The following ACSL1 variants were observed in gnomAD, a reference collection of about 807,000 sequenced individuals.
ACSL1 encodes acyl-CoA synthetase long chain family member 1, also known as long-chain-fatty-acid--CoA ligase 1.
Under a neutral mutation model 98.4 loss-of-function variants are expected in ACSL1, and 41 were observed. The observed-to-expected ratio is 0.42, with a 90% CI of 0.32 to 0.54. ACSL1 has a LOEUF of 0.54. Among genes scored for constraint, ACSL1 ranks in the 20% least tolerant of loss-of-function variants. The pLI is 0.13. For synonymous variants in ACSL1, 316 were observed against 322.7 expected, an observed-to-expected ratio of 0.98 and a Z score of 0.22; for missense variants, 734 against 883.1, an observed-to-expected ratio of 0.83 and a Z score of 2.14.
In ACSL1 at chr4:184,803,403, C is replaced by A. The variant is rs1770864777; in HGVS notation, c.112G>T (p.Ala38Ser). Residue 38 changes from alanine (A) to serine (S), a missense_variant, in exon 2 of 21, where the codon GCA becomes TCA. By Grantham distance (99) the Ala-to-Ser change is moderately conservative (BLOSUM62 1). Coordinates refer to ENST00000281455, the MANE Select transcript of ACSL1 (RefSeq NM_001995.5). The surrounding 1 kb of genome is among the most constrained non-coding windows in gnomAD (Gnocchi z 4.8). ...GTGGCGTACCAGAAGGTGGTGAGTG[C>A]TGCAAAAGCTCCGAAGCCCATAAGC... ...NTLMGFGAFA[A>S]LTTFWYATRP... The A allele has an allele frequency of 1.9e-6, 3 of 1,613,866 alleles. No homozygotes were observed. Among genetic ancestry groups the A allele is most frequent in the African/African-American group, 1.3e-5 (1 of 74,912 alleles).
At chr4:184,798,868 C>T (rs953554997) in intron 2 of ACSL1, 8 of 152,350 alleles carry the variant, frequency 5.3e-5, no homozygotes, top group African/African-American at 1.9e-4. Flanking sequence ...AGGTCTTGCA[C>T]ACAGGACTTG....
Position 184,776,649 on chromosome 4 carries a change from C to T in ACSL1, c.591G>A (p.Leu197=). The T allele has an allele frequency of 6.2e-7, 1 of 1,611,160 alleles. No individual in the cohort carries two copies. Among genetic ancestry groups the T allele is most frequent in the African/African-American group, 1.3e-5 (1 of 75,016 alleles). ...CCTTCTCTGGCTTGTCAACAAAAAC[C>T]AGAGAGAGTTCAGCTGTAAATGAAG... The part of the protein sequence containing the change: ...TYIVNKAELS[L]VFVDKPEKAK... The change falls in exon 7 of 21, where the codon CTG becomes CTA. Residue 197 remains leucine (L), a synonymous_variant. Transcript: ENST00000281455.
chr4:184,822,174 T>C (rs1326093299), intron 1 of ACSL1, among the ~76,000 whole-genome samples: 7 of 152,164 alleles, frequency 4.6e-5, no homozygotes, highest in Admixed American at 3.3e-4. Flanking sequence ...CTTTTTTTTT[T>C]CTAGAGATGG....
At chr4:184,811,681 C>T (rs1281465745) in intron 1 of ACSL1, among the ~76,000 whole-genome samples, 2 of 151,912 alleles carry the variant, frequency 1.3e-5, no homozygotes, top group Non-Finnish European at 2.9e-5. Context: ...TATTGCTGAA[C>T]GGGCACAGAG....
chr4:184,780,417 T>TC lies in ACSL1; in HGVS notation c.391dup (p.Glu131GlyfsTer27), dbSNP rs758493463. On this transcript the variant is annotated frameshift_variant, in exon 5 of 21. Coordinates refer to ENST00000281455, the MANE Select transcript of ACSL1 (RefSeq NM_001995.5). LOFTEE classifies it high-confidence loss of function. ...CTGGATCAGTGCTGAGCCTATGCAC[T>TC]CCGACAATTCTGCAACCTAAAATGG... 1.2e-6 allele frequency: 2 copies of TC among 1,612,686 alleles called. No individual in the cohort carries two copies.
chr4:184,821,169 G>A (rs917663025), intron 1 of ACSL1: 8 of 452,544 alleles, frequency 1.8e-5, no homozygotes, highest in South Asian at 6.2e-5. Context: ...AAGCCTGGCC[G>A]TGTCCAGGCT....
chr4:184,768,461 A>G lies in ACSL1; in HGVS notation c.994-11T>C. 6.3e-7 allele frequency: 1 copy of G among 1,597,540 alleles called. No homozygotes were observed. Among genetic ancestry groups the G allele is most frequent in the East Asian group, 2.3e-5 (1 of 43,528 alleles). On this transcript the variant is annotated splice_polypyrimidine_tract_variant and intron_variant, in intron 11 of 20. Coordinates refer to ENST00000281455, the MANE Select transcript of ACSL1 (RefSeq NM_001995.5). ...ACACAGCATTACACACTATAGGGGT[A>G]ATGGAAAAAACAAACATTTTATCAC...
intron 15 of ACSL1, 49 bp downstream of exon 15, chr4:184,764,804 A>G: frequency 6.6e-7 from 1 of 1,524,936 alleles, no homozygotes; most frequent in Non-Finnish European, 9.0e-7. Flanking sequence ...CATACCAATA[A>G]CCCAGTATGA....
intron 12 of ACSL1, chr4:184,768,039 CAA>C: frequency 2.1e-6 from 1 of 474,790 alleles, no homozygotes; most frequent in Non-Finnish European, 3.7e-6. Context: ...AGCAGAGGCT[CAA>C]AGTGTTTATT....
At chr4:184,768,555 C>A in intron 11 of ACSL1, 105 bp from the exon 12 acceptor site, 1 of 1,475,610 alleles carries the variant, frequency 6.8e-7, no homozygotes, top group Non-Finnish European at 9.0e-7. Context: ...GGCCAGTTTC[C>A]AGAAATCTTA....
intron 5 of ACSL1, among the ~76,000 whole-genome samples, chr4:184,779,389 C>T (rs558249004): frequency 6.6e-6 from 1 of 152,222 alleles, no homozygotes; most frequent in African/African-American, 2.4e-5. Context: ...TGAGGCCCCC[C>T]CAGCCATGTG....
intron 2 of ACSL1, among the ~76,000 whole-genome samples, chr4:184,796,091 G>A (rs112607117): frequency 0.1 from 15,388 of 152,226 alleles, 952 homozygotes; most frequent in Non-Finnish European, 0.14. Context: ...CTTAATCTGG[G>A]TGGGCACAAT....
At chr4:184,785,793 G>A (rs1767186769) in intron 3 of ACSL1, among the ~76,000 whole-genome samples, 2 of 152,132 alleles carry the variant, frequency 1.3e-5, no homozygotes, top group Non-Finnish European at 1.5e-5. Flanking sequence ...TCAGAGGAGA[G>A]TCAAAAGCAT....
chr4:184,778,944 A>AT (rs1043901352), intron 5 of ACSL1, among the ~76,000 whole-genome samples: 24 of 86,128 alleles, frequency 2.8e-4, no homozygotes, highest in Non-Finnish European at 7.4e-4. Flanking sequence ...TTATTTATAT[A>AT]AAAAAAAAAA....
At chr4:184,778,202 C>T (rs896818763) in intron 5 of ACSL1, among the ~76,000 whole-genome samples, 1 of 152,204 alleles carries the variant, frequency 6.6e-6, no homozygotes, top group African/African-American at 2.4e-5. Context: ...AGGGGTACCC[C>T]ACTGCCTCCG....
chr4:184,818,384 C>A (rs1224321061), intron 1 of ACSL1, among the ~76,000 whole-genome samples: 1 of 152,282 alleles, frequency 6.6e-6, no homozygotes, highest in South Asian at 2.1e-4. Flanking sequence ...TGAAACTACA[C>A]GGAAAGAAAC....
chr4:184,764,712 C>T (rs1363636270), intron 15 of ACSL1, 141 bp downstream of exon 15: 2 of 712,224 alleles, frequency 2.8e-6, no homozygotes, highest in Admixed American at 3.2e-5. Context: ...AGAGTGTTTG[C>T]CCCCAGAGCC....
chr4:184,771,073 G>A (rs1352753982), intron 10 of ACSL1, among the ~76,000 whole-genome samples: 1 of 152,060 alleles, frequency 6.6e-6, no homozygotes, highest in Non-Finnish European at 1.5e-5. Flanking sequence ...GCAGTAAGCC[G>A]AGATTGCACC....
chr4:184,824,250 C>A (rs990087080), intron 1 of ACSL1, among the ~76,000 whole-genome samples: 1 of 152,084 alleles, frequency 6.6e-6, no homozygotes, highest in African/African-American at 2.4e-5. Context: ...CTCAGCCTCT[C>A]GAGTAGCTGG....
Sources: gnomAD v4.1 joint callset for allele counts (sites outside exome capture counted in the v4.1 genomes callset) on GRCh38, gnomAD v4.1.1 for gene constraint, Gnocchi (gnomAD v3.1) non-coding constraint, MANE v1.5 for transcripts, NCBI Gene and HGNC (gene_info 2026-07-23, HGNC 2026-07-21) for gene names.